NUP62CL: variants seen among roughly 807,000 people sequenced by gnomAD.
NUP62CL encodes nucleoporin 62 C-terminal like.
Under a neutral mutation model 15.3 loss-of-function variants are expected in NUP62CL, and 13 were observed. The observed-to-expected ratio is 0.85, with a 90% confidence interval of 0.55 to 1.35. NUP62CL has a LOEUF of 1.35. Ranked by LOEUF, NUP62CL falls within the 40% of genes most tolerant of loss-of-function variation. NUP62CL has a pLI of 0.00. For missense variants in NUP62CL, 123 were observed against 130.6 expected (o/e 0.94, Z 0.28); for synonymous variants, 54 against 49.2 (o/e 1.10, Z -0.41).
chrX:107,151,357 G>A (rs778725529), intron 7 of NUP62CL, among the ~76,000 whole-genome samples: 1 of 111,517 alleles, frequency 9.0e-6, no homozygotes, highest in East Asian at 2.8e-4. Flanking sequence ...TGTCTTCAAT[G>A]ATCTTGAATA....
At chrX:107,131,858 T>A in intron 8 of NUP62CL, 1 of 1,017,949 alleles carries the variant, frequency 9.8e-7, no homozygotes, top group Admixed American at 2.2e-5. Context: ...TGTGTTATAT[T>A]TGAAGAAAAT....
chrX:107,195,776 C>T (rs985799989), intron 1 of NUP62CL, among the ~76,000 whole-genome samples: 1 of 106,876 alleles, frequency 9.4e-6, no homozygotes, highest in African/African-American at 3.5e-5. Flanking sequence ...GCAATAAGAG[C>T]ATTTGCTGTG....
intron 4 of NUP62CL, among the ~76,000 whole-genome samples, chrX:107,165,277 C>T (rs1029929886): frequency 9.2e-6 from 1 of 109,024 alleles, no homozygotes; most frequent in Admixed American, 9.8e-5. Context: ...TGCACTCTAG[C>T]CTGGGCGTCA....
chrX:107,175,850 G>T (rs1015822619), intron 2 of NUP62CL, among the ~76,000 whole-genome samples: 1 of 111,190 alleles, frequency 9.0e-6, no homozygotes, highest in African/African-American at 3.3e-5. Flanking sequence ...AGAGTTGAAG[G>T]GGTGAAATTC....
In NUP62CL at chrX:107,154,191, A is replaced by G. The variant is rs1926118572; in HGVS notation, c.250T>C (p.Trp84Arg). The change falls in exon 5 of 9, where the codon TGG (tryptophan) becomes CGG (arginine). Residue 84 changes from tryptophan to arginine, a missense_variant. Transcript: ENST00000372466. ...TCTTGATCTTCCAGCTCAAGGTTCC[A>G]CTCATTTATAAGACCCTCCAGATGA... ...YGHLEGLINEWNLELEDQEKY... is the reference protein window; with the variant it reads ...YGHLEGLINERNLELEDQEKY... 5.0e-6 allele frequency: 6 copies of G among 1,204,681 alleles called. No individual in the cohort carries two copies. The Admixed American group carries it at 1.3e-4, about 26-fold the overall frequency.
chrX:107,126,200 GACA>G (rs1925381349), intron 8 of NUP62CL, among the ~76,000 whole-genome samples: 1 of 111,954 alleles, frequency 8.9e-6, no homozygotes, highest in Non-Finnish European at 1.9e-5. Flanking sequence ...CCTGTACACT[GACA>G]ACAAAAAAAC....
At chrX:107,186,392 A>T (rs1411010034) in intron 2 of NUP62CL, among the ~76,000 whole-genome samples, 2 of 111,797 alleles carry the variant, frequency 1.8e-5, no homozygotes, top group Non-Finnish European at 3.8e-5. Context: ...ATCTTACATA[A>T]TTATCCATTT....
At chrX:107,170,508 G>A (rs1926623388) in intron 3 of NUP62CL, among the ~76,000 whole-genome samples, 1 of 109,245 alleles carries the variant, frequency 9.2e-6, no homozygotes, top group African/African-American at 3.3e-5. Context: ...CACCACCTGG[G>A]TTCAAGTGAT....
intron 8 of NUP62CL, among the ~76,000 whole-genome samples, chrX:107,138,029 G>T (rs1255713359): frequency 4.5e-5 from 5 of 111,360 alleles, no homozygotes; most frequent in South Asian, 3.7e-4. Flanking sequence ...CAGGTTTTTT[G>T]TTGTTGTTGT....
At chrX:107,131,683 AGAG>A in intron 8 of NUP62CL, 1 of 660,788 alleles carries the variant, frequency 1.5e-6, no homozygotes, top group Non-Finnish European at 2.5e-6. Context: ...AAGAGGAGGA[AGAG>A]GAGGAGCAGT....
At chrX:107,189,945 G>GAA (rs780904593) in intron 2 of NUP62CL, among the ~76,000 whole-genome samples, 4 of 88,753 alleles carry the variant, frequency 4.5e-5, no homozygotes, top group East Asian at 3.6e-4. Context: ...AAGAAAGAAA[G>GAA]AGAATCGATA....
intron 4 of NUP62CL, among the ~76,000 whole-genome samples, chrX:107,160,847 C>A (rs770606640): frequency 2.2e-4 from 24 of 110,143 alleles, no homozygotes; most frequent in African/African-American, 7.6e-4. Context: ...AACAGGCAAC[C>A]TACAACATGG....
At chrX:107,198,057 T>G (rs1373826166) in intron 1 of NUP62CL, among the ~76,000 whole-genome samples, 1 of 112,064 alleles carries the variant, frequency 8.9e-6, no homozygotes, top group East Asian at 2.8e-4. Flanking sequence ...TGTGTCTAAC[T>G]AATCAGGTGG....
intron 4 of NUP62CL, among the ~76,000 whole-genome samples, chrX:107,156,635 A>G (rs1926202200): frequency 1.2e-5 from 1 of 83,393 alleles, no homozygotes; most frequent in Non-Finnish European, 2.3e-5. Context: ...TCTGTACATC[A>G]CCATCATCAA....
At chrX:107,169,094 T>C (rs912918143) in intron 3 of NUP62CL, among the ~76,000 whole-genome samples, 1 of 111,910 alleles carries the variant, frequency 8.9e-6, no homozygotes, top group African/African-American at 3.2e-5. Context: ...CAGAATTTCA[T>C]TTTCAAAAAT....
At chrX:107,155,574 G>A (rs1449618536) in intron 4 of NUP62CL, among the ~76,000 whole-genome samples, 1 of 112,062 alleles carries the variant, frequency 8.9e-6, no homozygotes. Flanking sequence ...AGGCAGCGTG[G>A]TAAGTGCTCC....
intron 4 of NUP62CL, 116 bp downstream of exon 4, chrX:107,167,533 C>G: frequency 2.0e-6 from 1 of 500,546 alleles, no homozygotes; most frequent in South Asian, 5.2e-5. Context: ...TTGACTGTTC[C>G]CTCAACTCAG....
At chrX:107,186,762 G>A (rs1429017321) in intron 2 of NUP62CL, among the ~76,000 whole-genome samples, 2 of 111,234 alleles carry the variant, frequency 1.8e-5, no homozygotes, top group African/African-American at 6.5e-5. Flanking sequence ...GCTGGGCATG[G>A]GGGTGCATGC....
intron 1 of NUP62CL, among the ~76,000 whole-genome samples, chrX:107,197,438 A>C (rs1927382914): frequency 1.8e-5 from 2 of 110,481 alleles, no homozygotes; most frequent in South Asian, 7.8e-4. Flanking sequence ...GGAATACGCT[A>C]TCTCTGCCTT....
Sources: allele counts gnomAD v4.1 joint callset (sites outside exome capture counted in the v4.1 genomes callset), GRCh38; gene constraint gnomAD v4.1.1; transcripts MANE v1.5; gene names NCBI Gene and HGNC (gene_info 2026-07-23, HGNC 2026-07-21).